The following IL5RA variants were observed in gnomAD, a reference collection of about 807,000 sequenced individuals.
IL5RA encodes the protein interleukin 5 receptor subunit alpha, also known as interleukin-5 receptor subunit alpha.
In IL5RA, 49 loss-of-function variants were observed where a neutral mutation model predicts 50.0. The ratio of observed to expected loss-of-function variants is 0.98; its 90% CI spans 0.78 to 1.24. The LOEUF (loss-of-function observed/expected upper bound fraction) is 1.24, where lower values mean the gene tolerates loss of function less well. IL5RA is among the 50% of genes most tolerant of loss of function. The pLI, the probability that IL5RA is intolerant of heterozygous loss-of-function variation, is 0.00. For synonymous variants in IL5RA, 202 were observed against 174.0 expected, an observed-to-expected ratio of 1.16 and a Z score of -1.26; for missense variants, 600 against 500.4, an observed-to-expected ratio of 1.20 and a Z score of -1.90.
intron 9 of IL5RA, among the ~76,000 whole-genome samples, chr3:3,085,219 G>A (rs1702807466): frequency 6.6e-6 from 1 of 152,236 alleles, no homozygotes; most frequent in Admixed American, 6.5e-5. Flanking sequence ...TTAGTCTTAG[G>A]TAAGCCTAAG....
At position 3,092,560 on chromosome 3, in the gene IL5RA, T is replaced by C. The variant is rs1703175124; in HGVS notation, c.856-198A>G. Among the ~76,000 whole-genome samples the C allele has an allele frequency of 6.6e-6, 1 of 152,218 alleles. No homozygotes were observed. Among genetic ancestry groups the C allele is most frequent in the Non-Finnish European group, 1.5e-5 (1 of 68,044 alleles). On this transcript the variant is annotated intron_variant, in intron 8 of 11. Transcript: ENST00000446632. This position sits in a 1 kb window ranked among gnomAD's most constrained non-coding sequence, Gnocchi z 4.2. ...TGGCAGTCACCCTTCAGTGGAACGC[T>C]ATCTTGTAACCAAAATATACGAAAT...
intron 9 of IL5RA, among the ~76,000 whole-genome samples, chr3:3,087,541 T>G (rs921529709): frequency 1.3e-5 from 2 of 152,190 alleles, no homozygotes; most frequent in African/African-American, 2.4e-5. Flanking sequence ...GTCATCTATT[T>G]GAGAAAATTG....
rs1465913385 is a variant in IL5RA at position 3,092,526 on chromosome 3, T to C, written c.856-164A>G. ...TTCGTTTATGCTAGGTGCGTTAGTGTGGATGTGTTGGCAGTCACCCTTCAG... is the reference window on the plus strand; with the variant it reads ...TTCGTTTATGCTAGGTGCGTTAGTGCGGATGTGTTGGCAGTCACCCTTCAG... On this transcript the variant is annotated intron_variant, in intron 8 of 11. Coordinates refer to ENST00000446632, the MANE Select transcript of IL5RA (RefSeq NM_175726.4). This position sits in a 1 kb window ranked among gnomAD's most constrained non-coding sequence, Gnocchi z 4.2. 3.3e-5 allele frequency among the ~76,000 whole-genome samples: 5 copies of C among 152,194 alleles called. No homozygotes were observed. Among genetic ancestry groups the C allele is most frequent in the Admixed American group, 2.0e-4 (3 of 15,284 alleles).
chr3:3,096,843 A>G (rs1575001240), intron 7 of IL5RA, among the ~76,000 whole-genome samples: 1 of 152,322 alleles, frequency 6.6e-6, no homozygotes, highest in Admixed American at 6.5e-5. Flanking sequence ...TCTAAATAAT[A>G]TTGTAGTGTA....
chr3:3,070,403 T>A lies in IL5RA; in HGVS notation c.1177-92A>T, dbSNP rs1329651992. 3 of 732,384 alleles carry A rather than the reference T, an allele frequency of 4.1e-6. 1 individual carries two copies. The highest frequency in any genetic ancestry group is 3.5e-5 in the South Asian group (2 of 57,216). 45.4% of individuals were successfully genotyped at this position (732,384 alleles called of 1,614,324 possible). A position where few individuals can be genotyped will look rare whatever the true frequency, so the allele number is the denominator to read the frequency against. The stretch of plus-strand genomic sequence containing the variant: ...AATTGGCTTTAAGTCTATTATTTTT[T>A]AAATAAAAATAGTAAATGTTCACAA... On this transcript the variant is annotated intron_variant, in intron 11 of 11. Transcript: ENST00000446632.
At chr3:3,090,074 C>T in intron 9 of IL5RA, 1 of 791,254 alleles carries the variant, frequency 1.3e-6, no homozygotes, top group East Asian at 2.8e-5. Flanking sequence ...CAGAGTTAAG[C>T]CAATTACCTA....
rs557284304 is a variant in IL5RA at position 3,109,712 on chromosome 3, C to T, written c.-146+233G>A. 7.9e-5 allele frequency among the ~76,000 whole-genome samples: 12 copies of T among 152,228 alleles called. No homozygotes were observed. In the East Asian group the frequency reaches 2.1e-3, roughly 27 times the overall value. On this transcript the variant is annotated intron_variant, in intron 1 of 11. Coordinates refer to ENST00000446632, the MANE Select transcript of IL5RA (RefSeq NM_175726.4). ...TTAATGGGACCATTATTAGTTCTGT[C>T]CCTGCTAATAATAATAGAATTATAA...
At chr3:3,087,554 T>C (rs1367109557) in intron 9 of IL5RA, among the ~76,000 whole-genome samples, 1 of 152,172 alleles carries the variant, frequency 6.6e-6, no homozygotes, top group Non-Finnish European at 1.5e-5. Context: ...GAAAATTGTA[T>C]ATTAATAGCC....
In IL5RA at chr3:3,092,170, C is replaced by T. The variant is rs376610494; in HGVS notation, c.994+54G>A. 30 of 1,593,830 alleles carry T rather than the reference C, an allele frequency of 1.9e-5. No homozygotes were observed. In the African/African-American group the frequency reaches 3.9e-4, roughly 21 times the overall value. On this transcript the variant is annotated intron_variant, in intron 9 of 11. Transcript: ENST00000446632. This position sits in a 1 kb window ranked among gnomAD's most constrained non-coding sequence, Gnocchi z 4.2. Reference sequence around the variant, plus strand: ...GTGAACGGGTACGTTTCTGGGATTACCTTTTTTGATCACAAGGAAGGCTGC... The same window carrying T: ...GTGAACGGGTACGTTTCTGGGATTATCTTTTTTGATCACAAGGAAGGCTGC...
At chr3:3,078,874 G>T (rs1419839083) in intron 9 of IL5RA, among the ~76,000 whole-genome samples, 1 of 151,430 alleles carries the variant, frequency 6.6e-6, no homozygotes, top group African/African-American at 2.4e-5. Context: ...GATTCGGGCT[G>T]CTTCATTTCC....
At chr3:3,086,199 C>T (rs1303906517) in intron 9 of IL5RA, among the ~76,000 whole-genome samples, 1 of 152,126 alleles carries the variant, frequency 6.6e-6, no homozygotes, top group Non-Finnish European at 1.5e-5. Context: ...GCAGGGTAGA[C>T]CCACATAAGT....
chr3:3,103,979 T>C (rs2125985386), intron 3 of IL5RA, among the ~76,000 whole-genome samples: 1 of 152,352 alleles, frequency 6.6e-6, no homozygotes, highest in Non-Finnish European at 1.5e-5. Context: ...GAGCTCTGTC[T>C]ATATTGCATT....
chr3:3,080,165 A>G (rs1190984678), intron 9 of IL5RA, among the ~76,000 whole-genome samples: 3 of 152,232 alleles, frequency 2.0e-5, no homozygotes, highest in East Asian at 1.9e-4. Flanking sequence ...TTTTCTATAC[A>G]TATTTTTGCA....
intron 9 of IL5RA, among the ~76,000 whole-genome samples, chr3:3,085,112 G>A (rs1301829975): frequency 6.6e-6 from 1 of 152,246 alleles, no homozygotes; most frequent in East Asian, 1.9e-4. Context: ...AACAAATGGT[G>A]GGGCTGCCAG....
chr3:3,090,909 T>A (rs963722234), intron 9 of IL5RA, among the ~76,000 whole-genome samples: 1 of 152,132 alleles, frequency 6.6e-6, no homozygotes, highest in Admixed American at 6.5e-5. Flanking sequence ...CAAGGTGCAA[T>A]ACCACATGTC....
chr3:3,106,466 T>A (rs992558986), intron 2 of IL5RA, among the ~76,000 whole-genome samples: 1 of 152,142 alleles, frequency 6.6e-6, no homozygotes, highest in East Asian at 1.9e-4. Context: ...CCTTGTCAAA[T>A]AAGCTTAAGT....
Position 3,092,186 on chromosome 3 carries a change from G to A in IL5RA, c.994+38C>T, listed in dbSNP as rs769258889. 6.2e-6 allele frequency: 10 copies of A among 1,600,788 alleles called. No homozygotes were observed. The South Asian group carries it at 1.0e-4, about 16-fold the overall frequency. On this transcript the variant is annotated intron_variant, in intron 9 of 11. Coordinates refer to ENST00000446632, the MANE Select transcript of IL5RA (RefSeq NM_175726.4). The surrounding 1 kb of genome is among the most constrained non-coding windows in gnomAD (Gnocchi z 4.2). ...CTGGGATTACCTTTTTTGATCACAA[G>A]GAAGGCTGCCAATGTAAAATAAACA...
At chr3:3,108,131 T>C (rs931219403) in intron 2 of IL5RA, among the ~76,000 whole-genome samples, 4 of 152,214 alleles carry the variant, frequency 2.6e-5, no homozygotes, top group African/African-American at 9.7e-5. Context: ...CTTTCTCTTT[T>C]ATCCTGTACA....
intron 7 of IL5RA, 40 bp downstream of exon 7, chr3:3,097,830 G>A (rs539025360): frequency 3.7e-5 from 59 of 1,580,922 alleles, no homozygotes; most frequent in Admixed American, 2.8e-4. Context: ...CTGAGATTCC[G>A]AGATTCAGTT....
Sources: gnomAD v4.1 joint callset for allele counts (sites outside exome capture counted in the v4.1 genomes callset) on GRCh38, gnomAD v4.1.1 for gene constraint, Gnocchi (gnomAD v3.1) non-coding constraint, MANE v1.5 for transcripts, NCBI Gene and HGNC (gene_info 2026-07-23, HGNC 2026-07-21) for gene names.